GVQW3: variants seen among roughly 807,000 people sequenced by gnomAD.
The protein encoded by GVQW3 is protein GVQW3.
In GVQW3, 7 loss-of-function variants were observed where a neutral mutation model predicts 12.5. The ratio of observed to expected loss-of-function variants is 0.56; its 90% CI spans 0.32 to 1.05. The LOEUF is 1.05. GVQW3 is among the 50% of genes least tolerant of loss of function. The pLI is 0.04. For synonymous variants in GVQW3, 71 were observed against 67.2 expected (o/e 1.06, Z -0.28); for missense variants, 188 against 190.8 (o/e 0.99, Z 0.09).
At chr11:76,401,827 T>C (rs1946992852) in intron 1 of GVQW3, among the ~76,000 whole-genome samples, 2 of 150,396 alleles carry the variant, frequency 1.3e-5, no homozygotes, top group Admixed American at 6.6e-5. Flanking sequence ...TTTATCTCAA[T>C]GGGTGCCTGC....
At chr11:76,385,235 C>T (rs997241081) in intron 1 of GVQW3, among the ~76,000 whole-genome samples, 1 of 152,240 alleles carries the variant, frequency 6.6e-6, no homozygotes, top group Non-Finnish European at 1.5e-5. Context: ...AAACCATTCA[C>T]ATTTGGCTGC....
At chr11:76,391,182 T>C (rs1338885961) in intron 1 of GVQW3, among the ~76,000 whole-genome samples, 1 of 152,202 alleles carries the variant, frequency 6.6e-6, no homozygotes, top group Admixed American at 6.5e-5. Flanking sequence ...ATTCTTACAG[T>C]GGTGTTTTGT....
rs910720520 is a variant in GVQW3, at chr11:76,405,417, T to C, written c.*1659T>C. 1 of 152,236 alleles carries C rather than the reference T, an allele frequency of 6.6e-6. No individual in the cohort carries two copies. The highest frequency in any genetic ancestry group is 2.4e-5 in the African/African-American group (1 of 41,440). 9.4% of individuals were successfully genotyped at this position (152,236 alleles called of 1,614,324 possible). On this transcript the variant is annotated 3_prime_UTR_variant, in exon 2 of 2. Transcript: ENST00000529331. ...GCGTGCCTGTGTGTGTTTGTGTGTC[T>C]GCGTGTGGTTATATGTATATTTTCC...
chr11:76,393,699 GCA>G (rs1176193378), intron 1 of GVQW3, among the ~76,000 whole-genome samples: 2 of 151,624 alleles, frequency 1.3e-5, no homozygotes, highest in Non-Finnish European at 2.9e-5. Flanking sequence ...CATGTAAAAT[GCA>G]CATTCTTTAA....
exon 2 of GVQW3, chr11:76,414,383 T>A (rs1446574572): frequency 6.6e-6 from 1 of 152,064 alleles, no homozygotes; most frequent in Non-Finnish European, 1.5e-5. Context: ...TTATAAGTGG[T>A]ACCTGGAGGA....
At chr11:76,400,747 ATGAGACATC>A (rs1946982151) in intron 1 of GVQW3, among the ~76,000 whole-genome samples, 1 of 151,932 alleles carries the variant, frequency 6.6e-6, no homozygotes, top group Non-Finnish European at 1.5e-5. Flanking sequence ...TGGAACTCCT[ATGAGACATC>A]TGTTTGGCTC....
At chr11:76,398,910 G>T (rs901930278) in intron 1 of GVQW3, among the ~76,000 whole-genome samples, 1 of 152,176 alleles carries the variant, frequency 6.6e-6, no homozygotes, top group Non-Finnish European at 1.5e-5. Flanking sequence ...ATTCTGGTTT[G>T]AGATTTATTT....
chr11:76,413,551 G>A (rs1372334716), exon 2 of GVQW3: 2 of 152,168 alleles, frequency 1.3e-5, no homozygotes, highest in African/African-American at 4.8e-5. Flanking sequence ...TGGGATCACA[G>A]TGAGAATTAA....
rs1183151677 is a variant in GVQW3 at position 76,406,584 on chromosome 11, T to A, written c.*2826T>A. On this transcript the variant is annotated 3_prime_UTR_variant, in exon 2 of 2. Transcript: ENST00000529331. ...CGAATTTCAAGTGACTTTTGACTAT[T>A]GCCAAAAATCAAAAATCATTCCCTG... The A allele has an allele frequency of 1.3e-5, 2 of 152,222 alleles. No individual in the cohort carries two copies. Among genetic ancestry groups the A allele is most frequent in the Non-Finnish European group, 2.9e-5 (2 of 68,036 alleles). 9.4% of individuals were successfully genotyped at this position (152,222 alleles called of 1,614,324 possible).
chr11:76,401,737 C>A (rs1228650286), intron 1 of GVQW3, among the ~76,000 whole-genome samples: 6 of 141,616 alleles, frequency 4.2e-5, no homozygotes, highest in Non-Finnish European at 9.0e-5. Flanking sequence ...TGCACCATTG[C>A]ACTCCAGCCT....
intron 1 of GVQW3, among the ~76,000 whole-genome samples, chr11:76,401,008 T>C (rs1946983956): frequency 6.6e-6 from 1 of 151,510 alleles, no homozygotes; most frequent in South Asian, 2.1e-4. Flanking sequence ...ATTCTGTTCC[T>C]TTATTATGGC....
At chr11:76,386,991 A>C (rs149831243) in intron 1 of GVQW3, among the ~76,000 whole-genome samples, 10 of 152,348 alleles carry the variant, frequency 6.6e-5, no homozygotes, top group African/African-American at 2.4e-4. Flanking sequence ...CTCTTTTGCC[A>C]CTAAACATTT....
intron 1 of GVQW3, chr11:76,383,064 G>GT (rs1171028073): frequency 6.6e-6 from 1 of 152,344 alleles, no homozygotes; most frequent in African/African-American, 2.4e-5. Flanking sequence ...AGCTGGGTTT[G>GT]TTTCATTCTA....
chr11:76,413,082 C>G (rs979924199), downstream of GVQW3: 2 of 152,204 alleles, frequency 1.3e-5, no homozygotes, highest in Non-Finnish European at 2.9e-5. Context: ...ACGGAAACTT[C>G]AAGAAGAGAA....
chr11:76,394,761 C>G (rs1310016351), intron 1 of GVQW3, among the ~76,000 whole-genome samples: 1 of 152,178 alleles, frequency 6.6e-6, no homozygotes, highest in African/African-American at 2.4e-5. Context: ...TTTGCAGAAC[C>G]TTCAAACTGT....
chr11:76,387,542 G>A (rs942888643), intron 1 of GVQW3, among the ~76,000 whole-genome samples: 1 of 152,164 alleles, frequency 6.6e-6, no homozygotes. Flanking sequence ...TATATGAAGT[G>A]TGTATATAAA....
At chr11:76,386,883 A>G (rs1318539108) in intron 1 of GVQW3, among the ~76,000 whole-genome samples, 1 of 152,156 alleles carries the variant, frequency 6.6e-6, no homozygotes, top group East Asian at 1.9e-4. Context: ...CAAAAAATCT[A>G]TAGTGGGGAG....
chr11:76,411,988 T>C (rs981060251), downstream of GVQW3: 4 of 152,234 alleles, frequency 2.6e-5, no homozygotes, highest in African/African-American at 7.2e-5. Flanking sequence ...ACTCTCTTCC[T>C]CTTCCTGCCT....
intron 1 of GVQW3, among the ~76,000 whole-genome samples, chr11:76,398,375 A>G (rs1464781477): frequency 1.3e-5 from 2 of 152,060 alleles, no homozygotes; most frequent in Non-Finnish European, 2.9e-5. Flanking sequence ...GCAGTGGCTC[A>G]ATCTTAGCTC....
Sources: allele counts gnomAD v4.1 joint callset (sites outside exome capture counted in the v4.1 genomes callset), GRCh38; gene constraint gnomAD v4.1.1; transcripts MANE v1.5; gene names NCBI Gene and HGNC (gene_info 2026-07-23, HGNC 2026-07-21).